Variants in SBF2 observed in about 807,000 individuals in gnomAD.
SBF2 encodes SET binding factor 2, also known as myotubularin-related protein 13.
A neutral mutation model predicts 225.2 loss-of-function variants in SBF2; 112 were observed. The ratio of observed to expected loss-of-function variants is 0.50; its 90% CI spans 0.43 to 0.58. SBF2 has a LOEUF of 0.58. SBF2 is among the 20% of genes least tolerant of loss of function. SBF2 has a pLI of 0.00. For missense variants in SBF2, 1,996 were observed against 2,206.2 expected (o/e 0.90, Z 1.91); for synonymous variants, 763 against 773.3 (o/e 0.99, Z 0.22).
intron 2 of SBF2, among the ~76,000 whole-genome samples, chr11:10,133,119 T>A (rs1445048603): frequency 6.7e-6 from 1 of 149,104 alleles, no homozygotes; most frequent in East Asian, 2.2e-4. Context: ...ATACAGAGTG[T>A]CGATTGGTGC....
chr11:10,148,207 T>A (rs1040061862), intron 2 of SBF2, among the ~76,000 whole-genome samples: 2 of 152,238 alleles, frequency 1.3e-5, no homozygotes, highest in Admixed American at 1.3e-4. Flanking sequence ...AATTTGGGGG[T>A]GGCGGTGAGC....
At chr11:10,106,960 G>A (rs371031313) in intron 2 of SBF2, among the ~76,000 whole-genome samples, 2 of 152,068 alleles carry the variant, frequency 1.3e-5, no homozygotes, top group African/African-American at 4.8e-5. Context: ...TTAAAACCAC[G>A]AGATGCCACT....
chr11:9,790,460 T>C, intron 34 of SBF2, 96 bp downstream of exon 34: 2 of 1,099,430 alleles, frequency 1.8e-6, no homozygotes, highest in South Asian at 2.9e-5. Flanking sequence ...TAGTCCAATG[T>C]TTATAAAAAG....
intron 1 of SBF2, among the ~76,000 whole-genome samples, chr11:10,270,397 T>C (rs1962376287): frequency 6.6e-6 from 1 of 152,084 alleles, no homozygotes; most frequent in South Asian, 2.1e-4. Flanking sequence ...GAAAAGAAAA[T>C]GTTATTAATA....
chr11:10,198,348 A>G (rs1168357304), intron 1 of SBF2, among the ~76,000 whole-genome samples: 1 of 152,186 alleles, frequency 6.6e-6, no homozygotes, highest in Non-Finnish European at 1.5e-5. Context: ...TGCACTGTCA[A>G]TGAGCAGTAA....
At chr11:10,090,981 A>C (rs1951762142) in intron 2 of SBF2, among the ~76,000 whole-genome samples, 1 of 152,146 alleles carries the variant, frequency 6.6e-6, no homozygotes, top group South Asian at 2.1e-4. Context: ...ACCAAAATCC[A>C]AGAAAATGGT....
intron 37 of SBF2, 74 bp downstream of exon 37, chr11:9,785,051 T>C (rs1393648536): frequency 3.9e-6 from 5 of 1,293,814 alleles, no homozygotes; most frequent in Non-Finnish European, 4.5e-6. Flanking sequence ...GCCTAGCTTA[T>C]TGAGGGACCT....
At chr11:10,193,420 T>C (rs1216270807) in intron 2 of SBF2, among the ~76,000 whole-genome samples, 1 of 146,746 alleles carries the variant, frequency 6.8e-6, no homozygotes, top group Non-Finnish European at 1.5e-5. Flanking sequence ...AGTGGCACGA[T>C]CTTGGCTCAC....
At position 10,303,993 on chromosome 11, in the gene SBF2, G is replaced by A. The variant is rs563377874; in HGVS notation, n.386+499C>T. ...ACCCCAGCCTAGAGGAATCCACGCC[G>A]CGCCCCAGTCGGCCGTGCTAGCGTG... On this transcript the variant is annotated intron_variant and non_coding_transcript_variant, in intron 1 of 5. Transcript: ENST00000685217. This position sits in a 1 kb window ranked among gnomAD's most constrained non-coding sequence, Gnocchi z 5.2. Among the ~76,000 whole-genome samples, 2 of 152,178 alleles carry A rather than the reference G, an allele frequency of 1.3e-5. No homozygotes were observed. The highest frequency in any genetic ancestry group is 2.4e-5 in the African/African-American group (1 of 41,444).
chr11:10,082,764 C>A (rs1951415495), intron 2 of SBF2, among the ~76,000 whole-genome samples: 1 of 152,150 alleles, frequency 6.6e-6, no homozygotes, highest in Non-Finnish European at 1.5e-5. Flanking sequence ...TAAAACAAAC[C>A]CACAGTCAAC....
intron 6 of SBF2, among the ~76,000 whole-genome samples, chr11:10,025,493 C>G (rs772405294): frequency 6.6e-6 from 1 of 152,144 alleles, no homozygotes; most frequent in Non-Finnish European, 1.5e-5. Flanking sequence ...TCAACAAGGG[C>G]CCTTAGGAAA....
At chr11:9,878,486 G>A (rs2134074271) in intron 17 of SBF2, among the ~76,000 whole-genome samples, 1 of 152,074 alleles carries the variant, frequency 6.6e-6, no homozygotes, top group East Asian at 1.9e-4. Context: ...TGGCCTGAAT[G>A]GTATTGCCTA....
intron 2 of SBF2, among the ~76,000 whole-genome samples, chr11:10,051,298 C>T (rs1950053704): frequency 6.6e-6 from 1 of 152,026 alleles, no homozygotes; most frequent in South Asian, 2.1e-4. Context: ...AAACATATAA[C>T]ATCGAGAAAA....
intron 13 of SBF2, among the ~76,000 whole-genome samples, chr11:9,980,739 C>T (rs566518876): frequency 1.1e-4 from 17 of 151,968 alleles, no homozygotes; most frequent in South Asian, 4.2e-4. Flanking sequence ...ACACCGCGCC[C>T]GGCTAATTTT....
At chr11:10,189,197 T>C (rs1332326402) in intron 2 of SBF2, among the ~76,000 whole-genome samples, 1 of 152,214 alleles carries the variant, frequency 6.6e-6, no homozygotes, top group Non-Finnish European at 1.5e-5. Flanking sequence ...CTTATAAATC[T>C]AGCTTTATAT....
intron 17 of SBF2, among the ~76,000 whole-genome samples, chr11:9,873,645 G>C (rs1315152798): frequency 2.0e-5 from 3 of 152,184 alleles, no homozygotes; most frequent in Non-Finnish European, 4.4e-5. Flanking sequence ...TGAGCAGTGA[G>C]GAGGCATATA....
Position 9,850,264 on chromosome 11 carries a change from T to C in SBF2, c.2611-46A>G, listed in dbSNP as rs753300746. 2.5e-5 allele frequency: 39 copies of C among 1,579,696 alleles called. No individual in the cohort carries two copies. The Middle Eastern group carries it at 6.8e-4, about 27-fold the overall frequency. Reference sequence around the variant, plus strand: ...ATTGATTGATTGATTGACTAATTGATTGATTTTTGGAGACAGGGTCTTGCT... The same window carrying C: ...ATTGATTGATTGATTGACTAATTGACTGATTTTTGGAGACAGGGTCTTGCT... On this transcript the variant is annotated intron_variant, in intron 21 of 39. Coordinates refer to ENST00000256190, the MANE Select transcript of SBF2 (RefSeq NM_030962.4).
At chr11:9,844,158 A>T (rs1206665231) in intron 24 of SBF2, among the ~76,000 whole-genome samples, 2 of 152,214 alleles carry the variant, frequency 1.3e-5, no homozygotes, top group African/African-American at 4.8e-5. Context: ...TATGGTGCTA[A>T]GACAAGATGC....
intron 1 of SBF2, among the ~76,000 whole-genome samples, chr11:10,208,560 C>T (rs191615702): frequency 6.6e-6 from 1 of 151,564 alleles, no homozygotes; most frequent in African/African-American, 2.4e-5. Flanking sequence ...GCGGTGAAGA[C>T]GTGTGGCAGG....
Sources: gnomAD v4.1 joint callset for allele counts (sites outside exome capture counted in the v4.1 genomes callset) on GRCh38, gnomAD v4.1.1 for gene constraint, Gnocchi (gnomAD v3.1) non-coding constraint, MANE v1.5 for transcripts, NCBI Gene and HGNC (gene_info 2026-07-23, HGNC 2026-07-21) for gene names.